Variants in MEMO1 observed in about 807,000 individuals in gnomAD.
The protein encoded by MEMO1 is mediator of cell motility 1.
Under a neutral mutation model 45.2 loss-of-function variants are expected in MEMO1, and 6 were observed. That is an observed-to-expected ratio of 0.13 (90% confidence interval 0.07 to 0.26). The LOEUF is 0.26. Among genes scored for constraint, MEMO1 ranks in the 10% least tolerant of loss-of-function variants. The pLI, the probability that MEMO1 is intolerant of heterozygous loss-of-function variation, is 1.00. For missense variants in MEMO1, 184 were observed against 370.5 expected (o/e 0.50, Z 4.13); for synonymous variants, 78 against 124.3 (o/e 0.63, Z 2.48).
intron 8 of MEMO1, among the ~76,000 whole-genome samples, chr2:31,877,345 T>C (rs1400909651): frequency 1.3e-5 from 2 of 152,188 alleles, no homozygotes; most frequent in Non-Finnish European, 2.9e-5. Flanking sequence ...TGATGCACGC[T>C]TTTTGGCTGT....
chr2:31,923,378 T>A, intron 4 of MEMO1: 1 of 264,318 alleles, frequency 3.8e-6, no homozygotes. Context: ...CTCTCTTCCT[T>A]CAATATGTAA....
At chr2:31,982,834 G>A (rs938715536) in intron 2 of MEMO1, among the ~76,000 whole-genome samples, 1 of 152,026 alleles carries the variant, frequency 6.6e-6, no homozygotes, top group African/African-American at 2.4e-5. Context: ...GTGGGAGCCA[G>A]GTTTCTCAAT....
intron 8 of MEMO1, among the ~76,000 whole-genome samples, chr2:31,880,930 G>T (rs1675264017): frequency 6.6e-6 from 1 of 152,030 alleles, no homozygotes; most frequent in Admixed American, 6.6e-5. Context: ...TGGCTGAAGT[G>T]GGAGGACTGT....
At chr2:31,991,584 A>C (rs941418727) in intron 2 of MEMO1, among the ~76,000 whole-genome samples, 187 of 152,194 alleles carry the variant, frequency 1.2e-3, no homozygotes, top group African/African-American at 4.2e-3. Context: ...AAAAAAAAAA[A>C]AAACACAACA....
intron 6 of MEMO1, among the ~76,000 whole-genome samples, chr2:31,906,304 TTTTTG>T (rs779286739): frequency 1.1e-3 from 161 of 149,504 alleles, no homozygotes; most frequent in African/African-American, 3.7e-3. Flanking sequence ...GTTTTTGTTT[TTTTTG>T]TTTGTTTGTT....
At chr2:31,952,521 C>T (rs1470379242) in intron 2 of MEMO1, among the ~76,000 whole-genome samples, 1 of 152,166 alleles carries the variant, frequency 6.6e-6, no homozygotes, top group Non-Finnish European at 1.5e-5. Context: ...TTTACAAACA[C>T]CTCATCTGAA....
intron 9 of MEMO1, among the ~76,000 whole-genome samples, chr2:31,869,167 A>G (rs1401938881): frequency 1.3e-5 from 2 of 152,140 alleles, no homozygotes; most frequent in African/African-American, 4.8e-5. Context: ...AACTTAGTCT[A>G]TTCTGGACTA....
intron 3 of MEMO1, among the ~76,000 whole-genome samples, chr2:31,933,936 T>A (rs1414795114): frequency 2.0e-5 from 3 of 152,200 alleles, no homozygotes; most frequent in Non-Finnish European, 4.4e-5. Context: ...ACCTATTTTA[T>A]TCTGTTACAA....
Position 31,893,118 on chromosome 2 carries a change from A to G in MEMO1, c.438-984T>C, listed in dbSNP as rs1677205240. The G allele has an allele frequency of 1.7e-5, 3 of 173,368 alleles. No individual in the cohort carries two copies. In the South Asian group the frequency reaches 4.9e-4, roughly 28 times the overall value. 10.7% of individuals were successfully genotyped at this position (173,368 alleles called of 1,614,324 possible). A position where few individuals can be genotyped will look rare whatever the true frequency, so the allele number is the denominator to read the frequency against. On this transcript the variant is annotated intron_variant, in intron 6 of 9. Coordinates refer to ENST00000404530, the MANE Select transcript of MEMO1 (RefSeq NM_001301833.4). ...TAATCTGGCACTTAACTGATGTAGG[A>G]CAAACAAAATTCACAAAAGTTTTTA... is the stretch of plus-strand genomic sequence containing the variant.
intron 8 of MEMO1, among the ~76,000 whole-genome samples, chr2:31,879,430 C>G (rs1309661131): frequency 1.3e-5 from 2 of 152,138 alleles, no homozygotes; most frequent in East Asian, 1.9e-4. Context: ...TGGAGATTGA[C>G]TCTCTAAACA....
chr2:31,878,337 G>A (rs1370106372), intron 8 of MEMO1, among the ~76,000 whole-genome samples: 1 of 152,124 alleles, frequency 6.6e-6, no homozygotes, highest in African/African-American at 2.4e-5. Context: ...ACTGAAAGGG[G>A]GCAATTTTAC....
chr2:31,958,494 T>A (rs1202994063), intron 2 of MEMO1, among the ~76,000 whole-genome samples: 1 of 151,950 alleles, frequency 6.6e-6, no homozygotes, highest in Admixed American at 6.6e-5. Flanking sequence ...GGCACCTTCT[T>A]TTCAACCACA....
chr2:31,937,081 C>T (rs923516007), intron 3 of MEMO1, among the ~76,000 whole-genome samples: 6 of 152,156 alleles, frequency 3.9e-5, no homozygotes, highest in Non-Finnish European at 8.8e-5. Context: ...TTTGCAAATG[C>T]AGCAGCTTCC....
At chr2:31,952,991 A>G (rs1382672962) in intron 2 of MEMO1, among the ~76,000 whole-genome samples, 1 of 152,230 alleles carries the variant, frequency 6.6e-6, no homozygotes, top group Non-Finnish European at 1.5e-5. Context: ...CATTAATATA[A>G]AATCACTGGG....
intron 2 of MEMO1, among the ~76,000 whole-genome samples, chr2:32,006,119 CG>C (rs1446976964): frequency 6.6e-6 from 1 of 152,078 alleles, no homozygotes; most frequent in African/African-American, 2.4e-5. Context: ...TAGGGGAAAG[CG>C]GTCATAGAGA....
At chr2:32,008,639 A>C (rs1674405833) in intron 2 of MEMO1, among the ~76,000 whole-genome samples, 1 of 152,202 alleles carries the variant, frequency 6.6e-6, no homozygotes. Flanking sequence ...GAACAAGAAT[A>C]ATTTAACTGG....
intron 8 of MEMO1, among the ~76,000 whole-genome samples, chr2:31,870,411 T>G (rs540801876): frequency 7.2e-5 from 11 of 152,310 alleles, no homozygotes; most frequent in African/African-American, 2.4e-4. Flanking sequence ...AGAGATAATT[T>G]TAATTGAACT....
intron 2 of MEMO1, among the ~76,000 whole-genome samples, chr2:31,993,863 G>A (rs1672235465): frequency 1.4e-5 from 2 of 144,646 alleles, no homozygotes; most frequent in Admixed American, 1.4e-4. Flanking sequence ...CTAAAAAATT[G>A]TAAAACAAGT....
At chr2:31,884,110 T>A (rs543061464) in intron 7 of MEMO1, among the ~76,000 whole-genome samples, 49 of 152,206 alleles carry the variant, frequency 3.2e-4, no homozygotes, top group Middle Eastern at 3.4e-3. Flanking sequence ...AATAAGATTA[T>A]AAGCATAGAA....
Sources: allele counts gnomAD v4.1 joint callset (sites outside exome capture counted in the v4.1 genomes callset), GRCh38; gene constraint gnomAD v4.1.1; transcripts MANE v1.5; gene names NCBI Gene and HGNC (gene_info 2026-07-23, HGNC 2026-07-21).